The following PCDHA4 variants were observed in gnomAD, a reference collection of about 807,000 sequenced individuals.
PCDHA4 encodes protocadherin alpha-4.
Under a neutral mutation model 61.4 loss-of-function variants are expected in PCDHA4, and 49 were observed. The observed-to-expected ratio is 0.80, with a 90% CI of 0.63 to 1.01. The LOEUF (loss-of-function observed/expected upper bound fraction) is 1.01. PCDHA4 is among the 50% of genes least tolerant of loss of function. The probability of loss-of-function intolerance (pLI) is 0.00; values close to 1 mark genes in which losing one functional copy is unlikely to be tolerated. For synonymous variants in PCDHA4, 590 were observed against 550.3 expected, an observed-to-expected ratio of 1.07 and a Z score of -1.01; for missense variants, 1,254 against 1,235.8, an observed-to-expected ratio of 1.01 and a Z score of -0.22.
intron 3 of PCDHA4, among the ~76,000 whole-genome samples, chr5:140,996,530 T>C (rs1423892657): frequency 6.6e-6 from 1 of 152,210 alleles, no homozygotes; most frequent in East Asian, 1.9e-4. Flanking sequence ...AGGCCCTGTG[T>C]GTTTTGATAT....
Position 140,828,509 on chromosome 5 carries a change from G to C in PCDHA4, c.2385+18937G>C, listed in dbSNP as rs2150156220. 7.7e-5 allele frequency: 125 copies of C among 1,614,278 alleles called. 6 individuals are homozygous for C. The South Asian group carries it at 1.4e-3, about 18-fold the overall frequency. ...CTTGTTCCCGGTAGAGGAACAAAGAGTGCTGATTTACGAATCTAGGCTGCC... is the reference window on the plus strand; with the variant it reads ...CTTGTTCCCGGTAGAGGAACAAAGACTGCTGATTTACGAATCTAGGCTGCC... On this transcript the variant is annotated intron_variant, in intron 1 of 3. Transcript: ENST00000530339.
chr5:140,881,581 T>C (rs782420499), intron 1 of PCDHA4, among the ~76,000 whole-genome samples: 2 of 152,222 alleles, frequency 1.3e-5, no homozygotes, highest in African/African-American at 2.4e-5. Context: ...TCAAGTCACA[T>C]TGAGGGAAAT....
At chr5:141,000,415 ATATATATTTTTTTT>A (rs2097922429) in intron 3 of PCDHA4, among the ~76,000 whole-genome samples, 2 of 87,398 alleles carry the variant, frequency 2.3e-5, no homozygotes, top group Non-Finnish European at 4.3e-5. Flanking sequence ...ATATATATAT[ATATATATTTTTTTT>A]TTTTTTTTTT....
chr5:140,940,551 T>C (rs2092639776), intron 1 of PCDHA4, among the ~76,000 whole-genome samples: 1 of 152,214 alleles, frequency 6.6e-6, no homozygotes, highest in African/African-American at 2.4e-5. Context: ...TGGGCTCAAG[T>C]GATTCTCCTA....
intron 1 of PCDHA4, chr5:140,824,049 C>T: frequency 6.2e-7 from 1 of 1,614,198 alleles, no homozygotes; most frequent in Non-Finnish European, 8.5e-7. Context: ...AGAGGGTGTG[C>T]TCTGGGGAAG....
At chr5:140,839,749 T>TC (rs1400438543) in intron 1 of PCDHA4, among the ~76,000 whole-genome samples, 2 of 152,066 alleles carry the variant, frequency 1.3e-5, no homozygotes, top group African/African-American at 4.8e-5. Flanking sequence ...TATTTGCCTT[T>TC]CCTATTTAAC....
In PCDHA4 at chr5:140,897,362, T is replaced by C. The variant is rs1395353589; in HGVS notation, c.2386-81587T>C. Among the ~76,000 whole-genome samples the C allele has an allele frequency of 2.5e-5, 3 of 120,464 alleles. No homozygotes were observed. The East Asian group carries it at 7.6e-4, about 30-fold the overall frequency. 79.0% of individuals were successfully genotyped at this position (120,464 alleles called of 152,430 possible). ...CCCCACCCCACAACTGTCCCCAGAG[T>C]GTGATGTTCCCTTCCCCTTCCTGTG... On this transcript the variant is annotated intron_variant, in intron 1 of 3. Coordinates refer to ENST00000530339, the MANE Select transcript of PCDHA4 (RefSeq NM_018907.4).
At chr5:141,002,085 A>G (rs959603404) in intron 3 of PCDHA4, among the ~76,000 whole-genome samples, 1 of 152,244 alleles carries the variant, frequency 6.6e-6, no homozygotes, top group African/African-American at 2.4e-5. Context: ...AAGAACGAGC[A>G]GTCCAGGGGC....
At chr5:140,957,080 A>G (rs2095331610) in intron 1 of PCDHA4, among the ~76,000 whole-genome samples, 1 of 152,174 alleles carries the variant, frequency 6.6e-6, no homozygotes. Flanking sequence ...CTTTTTATTA[A>G]GGAAAATGAA....
chr5:140,997,188 G>T (rs948891203), intron 3 of PCDHA4, among the ~76,000 whole-genome samples: 1 of 151,976 alleles, frequency 6.6e-6, no homozygotes, highest in African/African-American at 2.4e-5. Context: ...GACAATTGAT[G>T]AAACTATATT....
chr5:140,999,450 A>G (rs2097858332), intron 3 of PCDHA4, among the ~76,000 whole-genome samples: 1 of 152,198 alleles, frequency 6.6e-6, no homozygotes, highest in Admixed American at 6.5e-5. Flanking sequence ...TATTCGTTCA[A>G]CGAATAAGTG....
chr5:140,933,359 C>G (rs2089088301), intron 1 of PCDHA4, among the ~76,000 whole-genome samples: 1 of 151,832 alleles, frequency 6.6e-6, no homozygotes, highest in Non-Finnish European at 1.5e-5. Context: ...TATTTCTAAC[C>G]CATCCCAAAT....
chr5:140,842,268 A>T, intron 1 of PCDHA4: 1 of 1,610,534 alleles, frequency 6.2e-7, no homozygotes, highest in Non-Finnish European at 8.5e-7. Context: ...GAAAACTTAT[A>T]CAAAATCCTC....
chr5:140,826,579 A>C (rs1440261492), intron 1 of PCDHA4, among the ~76,000 whole-genome samples: 2 of 152,178 alleles, frequency 1.3e-5, no homozygotes, highest in African/African-American at 4.8e-5. Context: ...TAATCACTTC[A>C]AATGGATAAC....
At chr5:140,867,118 T>G (rs2049765139) in intron 1 of PCDHA4, 1 of 152,172 alleles carries the variant, frequency 6.6e-6, no homozygotes, top group Non-Finnish European at 1.5e-5. Context: ...CATATTGTTT[T>G]AATTCAAATA....
chr5:140,883,394 G>T, intron 1 of PCDHA4: 2 of 1,614,124 alleles, frequency 1.2e-6, no homozygotes, highest in South Asian at 2.2e-5. Context: ...CAGTGTGTCC[G>T]ATCGTGACTC....
chr5:140,829,011 A>C (rs1554131712), intron 1 of PCDHA4: 1 of 1,613,882 alleles, frequency 6.2e-7, no homozygotes, highest in Non-Finnish European at 8.5e-7. Flanking sequence ...ATTCGGGGTA[A>C]TTTGGATTTT....
chr5:140,995,113 A>G (rs560699104), intron 3 of PCDHA4, among the ~76,000 whole-genome samples: 68 of 152,252 alleles, frequency 4.5e-4, no homozygotes, highest in Non-Finnish European at 8.4e-4. Flanking sequence ...CAAGACCCTC[A>G]GTGGATGCCT....
chr5:140,850,665 T>TCGGCGATGCC, intron 1 of PCDHA4: 1 of 1,598,290 alleles, frequency 6.3e-7, no homozygotes, highest in African/African-American at 1.3e-5. Context: ...GCTGCGGTGC[T>TCGGCGATGCC]CGGCGATGCC....
Sources: gnomAD v4.1 joint callset for allele counts (sites outside exome capture counted in the v4.1 genomes callset) on GRCh38, gnomAD v4.1.1 for gene constraint, MANE v1.5 for transcripts, NCBI Gene and HGNC (gene_info 2026-07-23, HGNC 2026-07-21) for gene names.